The following OPCML variants were observed in gnomAD, a reference collection of about 807,000 sequenced individuals.
OPCML encodes opioid binding protein/cell adhesion molecule like.
A neutral mutation model predicts 37.8 loss-of-function variants in OPCML; 13 were observed. The ratio of observed to expected loss-of-function variants is 0.34; its 90% CI spans 0.22 to 0.55. OPCML has a LOEUF of 0.55. Ranked by LOEUF, OPCML falls within the 20% of genes least tolerant of loss-of-function variation. OPCML has a pLI of 0.91. For synonymous variants in OPCML, 176 were observed against 168.8 expected, an observed-to-expected ratio of 1.04 and a Z score of -0.33; for missense variants, 341 against 435.6, an observed-to-expected ratio of 0.78 and a Z score of 1.93.
At chr11:133,528,866 G>A (rs1948544740) in intron 1 of OPCML, among the ~76,000 whole-genome samples, 1 of 150,554 alleles carries the variant, frequency 6.6e-6, no homozygotes, top group South Asian at 2.2e-4. Flanking sequence ...CAAACAGGAT[G>A]GGCCAAGAAG....
intron 1 of OPCML, among the ~76,000 whole-genome samples, chr11:133,380,005 C>T (rs758596894): frequency 3.3e-5 from 5 of 152,176 alleles, no homozygotes; most frequent in East Asian, 1.9e-4. Flanking sequence ...TATGCATCTG[C>T]GTTTCCTCAA....
At chr11:132,951,389 G>A (rs536770595) in intron 1 of OPCML, among the ~76,000 whole-genome samples, 58 of 152,268 alleles carry the variant, frequency 3.8e-4, no homozygotes, top group Admixed American at 1.8e-3. Context: ...CTGTGCTCAC[G>A]TGGGGAAGAA....
chr11:133,343,917 A>C lies in OPCML; in HGVS notation c.61+188347T>G, dbSNP rs1445732096. 2.0e-5 allele frequency among the ~76,000 whole-genome samples: 3 copies of C among 152,236 alleles called. No homozygotes were observed. The South Asian group carries it at 6.2e-4, about 31-fold the overall frequency. ...CTTTAAAAAAAGCGCTATAAATGCA[A>C]AGGCTGAAGTCTCCTCCGCAAAGTC... On this transcript the variant is annotated intron_variant, in intron 1 of 7. Transcript: ENST00000524381.
intron 1 of OPCML, among the ~76,000 whole-genome samples, chr11:133,017,429 G>A (rs1452099882): frequency 6.7e-6 from 1 of 150,228 alleles, no homozygotes; most frequent in Admixed American, 6.7e-5. Flanking sequence ...ATGAAGTCTC[G>A]CTCTGTCACC....
chr11:133,294,168 GAGA>G (rs1942562837), intron 1 of OPCML, among the ~76,000 whole-genome samples: 1 of 152,038 alleles, frequency 6.6e-6, no homozygotes, highest in Non-Finnish European at 1.5e-5. Flanking sequence ...TTAGACCACC[GAGA>G]AGGATTTTCA....
intron 2 of OPCML, among the ~76,000 whole-genome samples, chr11:132,845,604 C>T (rs1009559220): frequency 5.9e-5 from 9 of 152,150 alleles, no homozygotes; most frequent in Non-Finnish European, 1.0e-4. Flanking sequence ...GGATAATATT[C>T]GAGTTCCCAA....
chr11:132,561,232 T>C (rs1162174831), intron 3 of OPCML, among the ~76,000 whole-genome samples: 1 of 152,254 alleles, frequency 6.6e-6, no homozygotes, highest in Non-Finnish European at 1.5e-5. Context: ...TTAAGTGAAC[T>C]ACTCCAACTA....
intron 1 of OPCML, among the ~76,000 whole-genome samples, chr11:133,289,983 T>G (rs2136535412): frequency 6.6e-6 from 1 of 152,280 alleles, no homozygotes; most frequent in East Asian, 1.9e-4. Context: ...GGAAGAAAAC[T>G]TGACCATGGG....
chr11:133,382,116 G>A (rs528298437), intron 1 of OPCML, among the ~76,000 whole-genome samples: 123 of 152,296 alleles, frequency 8.1e-4, no homozygotes, highest in African/African-American at 2.8e-3. Flanking sequence ...GGAGGCGGAG[G>A]GATGGAAGGT....
chr11:133,085,567 A>G (rs775732890), intron 1 of OPCML, among the ~76,000 whole-genome samples: 13 of 152,246 alleles, frequency 8.5e-5, no homozygotes, highest in Admixed American at 3.3e-4. Flanking sequence ...GCAATTAACT[A>G]AGAAGGCAGT....
At chr11:133,080,463 G>A (rs1258798682) in intron 1 of OPCML, among the ~76,000 whole-genome samples, 2 of 142,440 alleles carry the variant, frequency 1.4e-5, no homozygotes, top group African/African-American at 5.3e-5. Context: ...TTCCCACTTT[G>A]GTAATCAAAT....
At chr11:132,614,921 C>A (rs1377807954) in intron 3 of OPCML, among the ~76,000 whole-genome samples, 2 of 152,168 alleles carry the variant, frequency 1.3e-5, no homozygotes, top group Admixed American at 1.3e-4. Flanking sequence ...CTAACTTTTG[C>A]CACTGTACTG....
rs1225507845 is a variant in OPCML at position 132,995,713 on chromosome 11, T to A, written c.62-52703A>T. 2.0e-5 allele frequency among the ~76,000 whole-genome samples: 3 copies of A among 152,220 alleles called. No individual in the cohort carries two copies. The East Asian group carries it at 5.8e-4, about 30-fold the overall frequency. On this transcript the variant is annotated intron_variant, in intron 1 of 7. Coordinates refer to ENST00000524381, the MANE Select transcript of OPCML (RefSeq NM_001012393.5). ...ATGTCAGCAGGACGTGAGCCTCCTG[T>A]GAGGGCTAAAACCAACCAACCAGCT...
At chr11:132,944,664 G>A (rs897610038) in intron 1 of OPCML, among the ~76,000 whole-genome samples, 1 of 152,326 alleles carries the variant, frequency 6.6e-6, no homozygotes, top group South Asian at 2.1e-4. Flanking sequence ...AGGAAGCGGC[G>A]CCGCAGTGGT....
At chr11:133,023,199 G>C (rs529621186) in intron 1 of OPCML, among the ~76,000 whole-genome samples, 1 of 152,232 alleles carries the variant, frequency 6.6e-6, no homozygotes, top group African/African-American at 2.4e-5. Context: ...TAGGTCAAAG[G>C]GCTTAGCCCC....
chr11:132,912,743 T>C (rs1164624195), intron 2 of OPCML, among the ~76,000 whole-genome samples: 2 of 152,208 alleles, frequency 1.3e-5, no homozygotes, highest in African/African-American at 4.8e-5. Flanking sequence ...TGTCTTTGAC[T>C]CTCATCTCAG....
chr11:132,913,156 C>A (rs1944484591), intron 2 of OPCML, among the ~76,000 whole-genome samples: 1 of 152,110 alleles, frequency 6.6e-6, no homozygotes, highest in Non-Finnish European at 1.5e-5. Flanking sequence ...GTCATAACTG[C>A]ATTGATTGAA....
intron 1 of OPCML, among the ~76,000 whole-genome samples, chr11:133,160,976 C>T (rs1950133556): frequency 6.6e-6 from 1 of 152,196 alleles, no homozygotes; most frequent in South Asian, 2.1e-4. Flanking sequence ...GCAGCCCCGG[C>T]CCAGGTACAT....
At chr11:133,203,829 C>T (rs571568686) in intron 1 of OPCML, among the ~76,000 whole-genome samples, 1 of 151,974 alleles carries the variant, frequency 6.6e-6, no homozygotes, top group Non-Finnish European at 1.5e-5. Flanking sequence ...GAGGCTGAGG[C>T]GGGTGGATCA....
Sources: allele counts gnomAD v4.1 joint callset (sites outside exome capture counted in the v4.1 genomes callset), GRCh38; gene constraint gnomAD v4.1.1; transcripts MANE v1.5; gene names NCBI Gene and HGNC (gene_info 2026-07-23, HGNC 2026-07-21).